GNAI1: variants seen among roughly 807,000 people sequenced by gnomAD.
The protein encoded by GNAI1 is G protein subunit alpha i1.
GNAI1 carries 11 observed loss-of-function variants against 38.9 expected under a neutral mutation model. That is an observed-to-expected ratio of 0.28 (90% CI 0.18 to 0.47). The LOEUF is 0.47. Ranked by LOEUF, GNAI1 falls within the 20% of genes least tolerant of loss-of-function variation. The probability of loss-of-function intolerance (pLI) is 0.99; values close to 1 mark genes in which losing one functional copy is unlikely to be tolerated. For synonymous variants in GNAI1, 166 were observed against 145.1 expected (o/e 1.14, Z -1.04); for missense variants, 317 against 436.9 (o/e 0.73, Z 2.45).
intron 1 of GNAI1, among the ~76,000 whole-genome samples, chr7:80,150,497 C>T (rs1016379705): frequency 3.9e-5 from 6 of 152,094 alleles, no homozygotes; most frequent in African/African-American, 1.2e-4. Context: ...AGAACTATGC[C>T]ATATGTTTAT....
chr7:80,186,692 A>T (rs918412788), intron 1 of GNAI1, among the ~76,000 whole-genome samples: 1 of 152,168 alleles, frequency 6.6e-6, no homozygotes, highest in East Asian at 1.9e-4. Flanking sequence ...AAAGTTCACT[A>T]TATCTGTGGT....
chr7:80,157,043 A>T (rs1340558754), intron 1 of GNAI1, among the ~76,000 whole-genome samples: 1 of 152,160 alleles, frequency 6.6e-6, no homozygotes, highest in African/African-American at 2.4e-5. Flanking sequence ...GCGTAATTAC[A>T]TTTATCCAGC....
At chr7:80,175,364 A>ATGTGTGTG (rs71518972) in intron 1 of GNAI1, among the ~76,000 whole-genome samples, 3 of 150,482 alleles carry the variant, frequency 2.0e-5, no homozygotes, top group Admixed American at 2.0e-4. Flanking sequence ...GTGTATATTT[A>ATGTGTGTG]TGTGTGTGTG....
chr7:80,214,367 T>A (rs1454975587), intron 7 of GNAI1, among the ~76,000 whole-genome samples: 1 of 152,188 alleles, frequency 6.6e-6, no homozygotes, highest in Non-Finnish European at 1.5e-5. Context: ...TTTATTTTTA[T>A]CATATTCTAT....
chr7:80,155,379 A>G (rs963459283), intron 1 of GNAI1, among the ~76,000 whole-genome samples: 2 of 152,196 alleles, frequency 1.3e-5, no homozygotes, highest in Non-Finnish European at 2.9e-5. Context: ...TTTCTATCCA[A>G]TAGTACATAT....
chr7:80,215,986 C>G (rs977978681), intron 7 of GNAI1, among the ~76,000 whole-genome samples: 1 of 152,094 alleles, frequency 6.6e-6, no homozygotes, highest in Non-Finnish European at 1.5e-5. Flanking sequence ...AATGATGGCA[C>G]TGCAGAGCAG....
intron 3 of GNAI1, among the ~76,000 whole-genome samples, chr7:80,193,692 A>G (rs1046937616): frequency 6.6e-6 from 1 of 152,176 alleles, no homozygotes; most frequent in South Asian, 2.1e-4. Flanking sequence ...CACAAAATGG[A>G]TATAGAAATT....
intron 1 of GNAI1, among the ~76,000 whole-genome samples, chr7:80,157,373 A>G (rs1787837502): frequency 6.6e-6 from 1 of 152,194 alleles, no homozygotes; most frequent in Admixed American, 6.5e-5. Flanking sequence ...GTTTGCCCAA[A>G]TTATGGTAAT....
chr7:80,177,435 A>G (rs1788205504), intron 1 of GNAI1, among the ~76,000 whole-genome samples: 1 of 152,174 alleles, frequency 6.6e-6, no homozygotes. Flanking sequence ...CTCTTTCACA[A>G]TGCACCGCAT....
chr7:80,156,776 A>G (rs187353828), intron 1 of GNAI1, among the ~76,000 whole-genome samples: 18 of 152,202 alleles, frequency 1.2e-4, no homozygotes, highest in Admixed American at 3.3e-4. Context: ...TTGCTTTCTA[A>G]TTCTATAATT....
In GNAI1 at chr7:80,225,252, A is replaced by G. The variant is rs1484592677; in HGVS notation, c.*7759A>G. ...TCACTTTAAATATGTCAGCTATAAT[A>G]AAAGAGAGACATACACATTTTAAGA... On this transcript the variant is annotated 3_prime_UTR_variant, in exon 8 of 8. Transcript: ENST00000649796. Among the ~76,000 whole-genome samples, 1 of 152,208 alleles carries G rather than the reference A, an allele frequency of 6.6e-6. No homozygotes were observed. Among genetic ancestry groups the G allele is most frequent in the Non-Finnish European group, 1.5e-5 (1 of 68,042 alleles).
chr7:80,224,220 C>T lies in GNAI1; in HGVS notation c.*6727C>T, dbSNP rs1042398873. The stretch of plus-strand genomic sequence containing the variant: ...TTGAGTGCCTACTGTGTGCTAGGTA[C>T]TTTTCTGGGTACCTTACTAATGCTC... On this transcript the variant is annotated 3_prime_UTR_variant, in exon 8 of 8. Transcript: ENST00000649796. Among the ~76,000 whole-genome samples, 1 of 152,184 alleles carries T rather than the reference C, an allele frequency of 6.6e-6. No homozygotes were observed. Among genetic ancestry groups the T allele is most frequent in the Admixed American group, 6.5e-5 (1 of 15,278 alleles).
At chr7:80,175,431 C>G (rs1340164431) in intron 1 of GNAI1, among the ~76,000 whole-genome samples, 1 of 151,704 alleles carries the variant, frequency 6.6e-6, no homozygotes, top group Non-Finnish European at 1.5e-5. Context: ...CAAAACTTAA[C>G]CAATTTCCAA....
chr7:80,200,091 A>C (rs1451157551), intron 4 of GNAI1, among the ~76,000 whole-genome samples: 5 of 151,800 alleles, frequency 3.3e-5, no homozygotes, highest in Non-Finnish European at 7.4e-5. Flanking sequence ...TAAGGTGGGC[A>C]GATCACTTGA....
At position 80,217,360 on chromosome 7, in the gene GNAI1, A is replaced by G. The variant is rs1584059315; in HGVS notation, c.932A>G (p.Asn311Ser). ...AYIQCQFEDL[N>S]KRKDTKEIYT... ...ATTCAATGTCAGTTTGAAGACCTCA[A>G]TAAAAGAAAGGACACAAAGGAAATA... Residue 311 changes from asparagine (N) to serine (S), a missense_variant, in exon 8 of 8, where the codon AAT becomes AGT. Asn to Ser is a conservative substitution (Grantham distance 46, BLOSUM62 1). Coordinates refer to ENST00000649796, the MANE Select transcript of GNAI1 (RefSeq NM_002069.6). 2 of 1,607,668 alleles carry G rather than the reference A, an allele frequency of 1.2e-6. No individual in the cohort carries two copies. The highest frequency in any genetic ancestry group is 2.2e-5 in the East Asian group (1 of 44,694).
At chr7:80,137,442 T>TCCCGAGTA (rs1462084584) in intron 1 of GNAI1, among the ~76,000 whole-genome samples, 1 of 144,906 alleles carries the variant, frequency 6.9e-6, no homozygotes, top group Non-Finnish European at 1.5e-5. Flanking sequence ...AGCCTCAGCC[T>TCCCGAGTA]CCCGAGTACC....
At chr7:80,182,454 G>A (rs1329869407) in intron 1 of GNAI1, among the ~76,000 whole-genome samples, 1 of 152,058 alleles carries the variant, frequency 6.6e-6, no homozygotes, top group African/African-American at 2.4e-5. Flanking sequence ...TTTTGAAGCT[G>A]TGGATTTTGG....
At position 80,183,334 on chromosome 7, in the gene GNAI1, A is replaced by G. The variant is rs529151279; in HGVS notation, c.119-5617A>G. Among the ~76,000 whole-genome samples the G allele has an allele frequency of 2.7e-4, 41 of 152,292 alleles. No homozygotes were observed. In the Middle Eastern group the frequency reaches 0.01, roughly 38 times the overall value. On this transcript the variant is annotated intron_variant, in intron 1 of 7. Coordinates refer to ENST00000649796, the MANE Select transcript of GNAI1 (RefSeq NM_002069.6). The stretch of plus-strand genomic sequence containing the variant: ...TAAATATAAGGACCTTGATCTTATT[A>G]ATCTTACAGTAGCATTATAATAAAG...
rs62462677 is a variant in GNAI1, at chr7:80,226,126, C to T, written c.*8633C>T. ...AAAAAAAGACTAGATTTTATATCAA[C>T]TTAATTGTCTTTTGGTTTAAAATTA... On this transcript the variant is annotated 3_prime_UTR_variant, in exon 8 of 8. Transcript: ENST00000649796. Among the ~76,000 whole-genome samples the T allele has an allele frequency of 0.15, 23,267 of 152,016 alleles. 1,956 individuals carry two copies. Among genetic ancestry groups the T allele is most frequent in the African/African-American group, 0.22 (9,019 of 41,458 alleles).
Sources: allele counts gnomAD v4.1 joint callset (sites outside exome capture counted in the v4.1 genomes callset), GRCh38; gene constraint gnomAD v4.1.1; transcripts MANE v1.5; gene names NCBI Gene and HGNC (gene_info 2026-07-23, HGNC 2026-07-21).